The following ADGRL2 variants were observed in gnomAD, a reference collection of about 807,000 sequenced individuals.
The protein encoded by ADGRL2 is calcium-independent alpha-latrotoxin receptor 2.
Under a neutral mutation model 157.4 loss-of-function variants are expected in ADGRL2, and 44 were observed. The ratio of observed to expected loss-of-function variants is 0.28; its 90% CI spans 0.22 to 0.36. The LOEUF is 0.36. ADGRL2 is among the 10% of genes least tolerant of loss of function. The pLI is 1.00. For missense variants in ADGRL2, 1,510 were observed against 1,768.9 expected, an observed-to-expected ratio of 0.85 and a Z score of 2.63; for synonymous variants, 585 against 624.7, an observed-to-expected ratio of 0.94 and a Z score of 0.95.
chr1:81,785,271 G>GGCCGGGCGCGGTGGCTCACGCCTGT (rs2086990853), intron 2 of ADGRL2, among the ~76,000 whole-genome samples: 1 of 151,924 alleles, frequency 6.6e-6, no homozygotes, highest in African/African-American at 2.4e-5. Context: ...AATTACAGTT[G>GGCCGGGCGCGGTGGCTCACGCCTGT]ATTCAAAGAC....
intron 2 of ADGRL2, among the ~76,000 whole-genome samples, chr1:81,491,986 C>G (rs2078642662): frequency 1.3e-5 from 2 of 152,160 alleles, no homozygotes; most frequent in African/African-American, 2.4e-5. Context: ...AAGAATGAAA[C>G]TGAGTCTCTG....
chr1:81,494,817 A>G (rs2078700016), intron 2 of ADGRL2, among the ~76,000 whole-genome samples: 1 of 152,186 alleles, frequency 6.6e-6, no homozygotes, highest in African/African-American at 2.4e-5. Context: ...GCTAAAGGCC[A>G]TTAATAAAGA....
At chr1:81,769,284 C>T (rs1407861761) in intron 2 of ADGRL2, among the ~76,000 whole-genome samples, 1 of 152,142 alleles carries the variant, frequency 6.6e-6, no homozygotes, top group Non-Finnish European at 1.5e-5. Context: ...TTGTATCCTG[C>T]ATTTCCCACT....
intron 2 of ADGRL2, among the ~76,000 whole-genome samples, chr1:81,446,299 AT>A (rs2077595841): frequency 6.6e-6 from 1 of 152,196 alleles, no homozygotes; most frequent in African/African-American, 2.4e-5. Flanking sequence ...GCAAACATCA[AT>A]TGGCATAGAG....
chr1:81,696,926 T>C (rs1048535184), upstream of ADGRL2, among the ~76,000 whole-genome samples: 3 of 152,096 alleles, frequency 2.0e-5, no homozygotes, highest in East Asian at 1.9e-4. Flanking sequence ...TGTTGAAAAA[T>C]GGCACTGACT....
chr1:81,866,330 A>G (rs542439767), intron 2 of ADGRL2, among the ~76,000 whole-genome samples: 1 of 152,100 alleles, frequency 6.6e-6, no homozygotes, highest in Non-Finnish European at 1.5e-5. Flanking sequence ...TCTCCTTAAC[A>G]GTCTTAGTAC....
At chr1:81,910,749 T>A (rs969118323) in intron 3 of ADGRL2, among the ~76,000 whole-genome samples, 1 of 151,796 alleles carries the variant, frequency 6.6e-6, no homozygotes, top group East Asian at 1.9e-4. Context: ...AAAAAAAACT[T>A]AAAAATCCCA....
intron 1 of ADGRL2, among the ~76,000 whole-genome samples, chr1:81,383,240 A>AT (rs1570787430): frequency 6.6e-6 from 1 of 152,062 alleles, no homozygotes; most frequent in African/African-American, 2.4e-5. Flanking sequence ...TTTTAAACTG[A>AT]TTTTTCCTGT....
intron 2 of ADGRL2, among the ~76,000 whole-genome samples, chr1:81,788,699 T>G (rs2087177345): frequency 1.3e-5 from 2 of 152,180 alleles, no homozygotes; most frequent in African/African-American, 4.8e-5. Context: ...TTTCCATTTT[T>G]TCTTCAGAAG....
intron 2 of ADGRL2, among the ~76,000 whole-genome samples, chr1:81,780,785 T>C (rs1571196170): frequency 6.6e-6 from 1 of 152,198 alleles, no homozygotes; most frequent in East Asian, 1.9e-4. Flanking sequence ...TTAAGTGATA[T>C]GCATTTGAAA....
At chr1:81,492,880 C>T (rs2078662022) in intron 2 of ADGRL2, among the ~76,000 whole-genome samples, 1 of 152,066 alleles carries the variant, frequency 6.6e-6, no homozygotes, top group African/African-American at 2.4e-5. Flanking sequence ...TATCCAGAAA[C>T]ATAACAGGAA....
At chr1:81,563,922 A>G (rs1257870819) in intron 2 of ADGRL2, among the ~76,000 whole-genome samples, 1 of 152,194 alleles carries the variant, frequency 6.6e-6, no homozygotes, top group Non-Finnish European at 1.5e-5. Context: ...TCATCAACTC[A>G]TTAATAAAAC....
chr1:81,893,265 T>G (rs1226486193), intron 2 of ADGRL2, among the ~76,000 whole-genome samples: 1 of 150,372 alleles, frequency 6.7e-6, no homozygotes, highest in African/African-American at 2.4e-5. Context: ...CTACACTTAC[T>G]CTCATTTTCT....
intron 1 of ADGRL2, chr1:81,426,431 T>G (rs529576776): frequency 3.1e-4 from 115 of 366,098 alleles, no homozygotes; most frequent in African/African-American, 2.3e-3. Context: ...TGAACTCGAG[T>G]CGGAAGAGGT....
chr1:81,515,353 G>T (rs2079154758), intron 2 of ADGRL2, among the ~76,000 whole-genome samples: 1 of 151,402 alleles, frequency 6.6e-6, no homozygotes, highest in Admixed American at 6.6e-5. Flanking sequence ...TAATAATGTG[G>T]TTCTGCCTTT....
At position 81,333,024 on chromosome 1, in the gene ADGRL2, C is replaced by T. The variant is rs182257374; in HGVS notation, c.-302+26515C>T. Among the ~76,000 whole-genome samples, 295 of 152,264 alleles carry T rather than the reference C, an allele frequency of 1.9e-3. 2 individuals are homozygous for T. The highest frequency in any genetic ancestry group is 3.3e-3 in the Non-Finnish European group (226 of 68,022). ...AACTCGTTTCTGAAATAAGCTGTACCACCATCTGGTCGTATAACTTTGGGC... is the reference window on the plus strand; with the variant it reads ...AACTCGTTTCTGAAATAAGCTGTACTACCATCTGGTCGTATAACTTTGGGC... On this transcript the variant is annotated intron_variant, in intron 1 of 24. Transcript: ENST00000370721.
intron 2 of ADGRL2, among the ~76,000 whole-genome samples, chr1:81,885,577 G>A (rs1017854461): frequency 2.0e-5 from 3 of 152,168 alleles, no homozygotes; most frequent in Non-Finnish European, 4.4e-5. Flanking sequence ...GCCCTGTTCA[G>A]TCAAGCTGAG....
chr1:81,378,382 C>T (rs2076287500), intron 1 of ADGRL2, among the ~76,000 whole-genome samples: 1 of 151,564 alleles, frequency 6.6e-6, no homozygotes, highest in Non-Finnish European at 1.5e-5. Context: ...TAGACCGTAT[C>T]TCTACAAAAA....
chr1:81,878,056 T>A (rs2093887754), intron 2 of ADGRL2, among the ~76,000 whole-genome samples: 1 of 152,154 alleles, frequency 6.6e-6, no homozygotes, highest in South Asian at 2.1e-4. Context: ...TGAATAAACA[T>A]TTATAGTTTC....
Sources: allele counts gnomAD v4.1 joint callset (sites outside exome capture counted in the v4.1 genomes callset), GRCh38; gene constraint gnomAD v4.1.1; transcripts MANE v1.5; gene names NCBI Gene and HGNC (gene_info 2026-07-23, HGNC 2026-07-21).